The following STAB2 variants were observed in gnomAD, a reference collection of about 807,000 sequenced individuals.
STAB2 encodes stabilin-2.
A neutral mutation model predicts 338.1 loss-of-function variants in STAB2; 288 were observed. The ratio of observed to expected loss-of-function variants is 0.85; its 90% CI spans 0.77 to 0.94. The LOEUF (loss-of-function observed/expected upper bound fraction) is 0.94, where lower values mean the gene tolerates loss of function less well. Among genes scored for constraint, STAB2 ranks in the 40% least tolerant of loss-of-function variants. The probability of loss-of-function intolerance (pLI) is 0.00; values close to 1 mark genes in which losing one functional copy is unlikely to be tolerated. For synonymous variants in STAB2, 1,202 were observed against 1,193.3 expected (o/e 1.01, Z -0.15); for missense variants, 3,141 against 3,210.1 (o/e 0.98, Z 0.52).
intron 3 of STAB2, among the ~76,000 whole-genome samples, chr12:103,620,010 TCCCTCAATA>T (rs1178806571): frequency 6.6e-6 from 1 of 152,170 alleles, no homozygotes; most frequent in African/African-American, 2.4e-5. Flanking sequence ...TTCTCTGGAC[TCCCTCAATA>T]CCCTGTCTAG....
intron 39 of STAB2, 102 bp from the exon 40 acceptor site, chr12:103,711,369 A>G (rs750633134): frequency 5.3e-5 from 77 of 1,466,400 alleles, no homozygotes; most frequent in Admixed American, 5.1e-4. Context: ...CACATGATAC[A>G]TATCACTTCC....
At chr12:103,643,465 G>A (rs1873068106) in intron 9 of STAB2, among the ~76,000 whole-genome samples, 1 of 152,048 alleles carries the variant, frequency 6.6e-6, no homozygotes, top group African/African-American at 2.4e-5. Flanking sequence ...TCAATGGCCA[G>A]CCTAAGTATC....
rs537819623 is a variant in STAB2 at position 103,744,647 on chromosome 12, T to C, written c.6032-526T>C. The stretch of plus-strand genomic sequence containing the variant: ...ACATCTGGCTAATTTTTGTTTGTTG[T>C]TGTTGTTTTGTAGATACGGGGTTGC... On this transcript the variant is annotated intron_variant, in intron 56 of 68. Coordinates refer to ENST00000388887, the MANE Select transcript of STAB2 (RefSeq NM_017564.10). Among the ~76,000 whole-genome samples the C allele has an allele frequency of 2.8e-3, 419 of 151,352 alleles. 1 individual carries two copies. Among genetic ancestry groups the C allele is most frequent in the Non-Finnish European group, 3.6e-3 (244 of 67,810 alleles).
intron 16 of STAB2, 146 bp from the exon 17 acceptor site, chr12:103,660,537 T>A: frequency 2.4e-6 from 3 of 1,262,954 alleles, no homozygotes; most frequent in Middle Eastern, 1.9e-4. Context: ...ATCAGAGCGA[T>A]CTTCAAAGCC....
At chr12:103,749,345 A>G (rs983786675) in intron 59 of STAB2, among the ~76,000 whole-genome samples, 189 bp downstream of exon 59, 1 of 152,212 alleles carries the variant, frequency 6.6e-6, no homozygotes, top group Non-Finnish European at 1.5e-5. Flanking sequence ...AAGGACGTCC[A>G]TGGAAAACTG....
intron 3 of STAB2, among the ~76,000 whole-genome samples, chr12:103,598,422 C>T (rs1280318624): frequency 1.3e-5 from 2 of 152,170 alleles, no homozygotes; most frequent in African/African-American, 2.4e-5. Flanking sequence ...CAAGAGACCA[C>T]CAGAGTAGTG....
chr12:103,622,052 G>C lies in STAB2; in HGVS notation c.428G>C (p.Gly143Ala), dbSNP rs1302487979. 1.2e-6 allele frequency: 2 copies of C among 1,614,104 alleles called. No individual in the cohort carries two copies. Among genetic ancestry groups the C allele is most frequent in the Non-Finnish European group, 8.5e-7 (1 of 1,180,042 alleles). ...NGTCSCQEGF[G>A]GTACETCADD... ...TGGGGTGTTTTGCAGGAAGGGTTTG[G>C]TGGAACAGCCTGTGAAACCTGTGCT... Residue 143 changes from glycine (G) to alanine (A), a missense_variant, in exon 5 of 69, where the codon GGT (glycine) becomes GCT (alanine). Transcript: ENST00000388887.
chr12:103,652,138 A>C (rs1873791117), intron 11 of STAB2, among the ~76,000 whole-genome samples: 1 of 152,244 alleles, frequency 6.6e-6, no homozygotes, highest in Admixed American at 6.5e-5. Context: ...CAAAAGTACA[A>C]TCAGCTTACT....
chr12:103,674,224 G>C (rs192373296), intron 23 of STAB2, 137 bp downstream of exon 23: 69 of 1,027,600 alleles, frequency 6.7e-5, no homozygotes, highest in Non-Finnish European at 8.4e-5. Flanking sequence ...ATCTCCAGCT[G>C]ACAGTGTGGT....
rs934962028 is a variant in STAB2, at chr12:103,711,934, C to T, written c.4334+418C>T. ...AGTTAGACATGAATTCAAAGTCAGC[C>T]TCTGTTATTTGCACTACCACATGAT... On this transcript the variant is annotated intron_variant, in intron 40 of 68. Transcript: ENST00000388887. Among the ~76,000 whole-genome samples the T allele has an allele frequency of 2.0e-5, 3 of 152,302 alleles. No individual in the cohort carries two copies. In the South Asian group the frequency reaches 6.2e-4, roughly 32 times the overall value.
intron 3 of STAB2, among the ~76,000 whole-genome samples, chr12:103,619,141 A>T (rs1957258095): frequency 6.6e-6 from 1 of 152,214 alleles, no homozygotes. Flanking sequence ...CTTTATTAGC[A>T]GCATGAGAAT....
intron 12 of STAB2, 118 bp downstream of exon 12, chr12:103,652,823 A>G (rs1032450): frequency 0.16 from 199,708 of 1,214,344 alleles, 17,691 homozygotes; most frequent in East Asian, 0.3. Context: ...TTCTTTCCTC[A>G]TGTATTATTT....
chr12:103,601,523 C>T (rs1956953917), intron 3 of STAB2, among the ~76,000 whole-genome samples: 4 of 152,136 alleles, frequency 2.6e-5, no homozygotes, highest in South Asian at 2.1e-4. Context: ...ACCCGGGAGG[C>T]GGAAGTTGCA....
Position 103,703,138 on chromosome 12 carries a change from T to C in STAB2, c.3715-10T>C. 6.2e-7 allele frequency: 1 copy of C among 1,610,030 alleles called. No homozygotes were observed. ...TCATAAAAAGTGACATTTAACCCTG[T>C]TGTTCACAGCTCTATGTAAATGAGG... On this transcript the variant is annotated splice_polypyrimidine_tract_variant and intron_variant, in intron 34 of 68. Coordinates refer to ENST00000388887, the MANE Select transcript of STAB2 (RefSeq NM_017564.10).
At chr12:103,695,009 A>G (rs1057351275) in intron 31 of STAB2, among the ~76,000 whole-genome samples, 3 of 152,130 alleles carry the variant, frequency 2.0e-5, no homozygotes, top group Non-Finnish European at 2.9e-5. Flanking sequence ...TTTAAAGGCA[A>G]TCTAAATTTA....
intron 7 of STAB2, among the ~76,000 whole-genome samples, chr12:103,637,814 T>C (rs1396915422): frequency 6.6e-6 from 1 of 152,244 alleles, no homozygotes; most frequent in Non-Finnish European, 1.5e-5. Context: ...CAAAATGGCC[T>C]ACTAATATAT....
At position 103,687,841 on chromosome 12, in the gene STAB2, G is replaced by A. The variant is rs150132457; in HGVS notation, c.2998-327G>A. Among the ~76,000 whole-genome samples the A allele has an allele frequency of 2.9e-3, 447 of 152,282 alleles. 1 individual carries two copies. The highest frequency in any genetic ancestry group is 9.9e-3 in the African/African-American group (412 of 41,556). On this transcript the variant is annotated intron_variant, in intron 27 of 68. Transcript: ENST00000388887. ...CTGAGCTCTGTGACCCCCACTTAGC[G>A]TCTAGGTAGCCGCGTTCTTACAGCC...
intron 39 of STAB2, among the ~76,000 whole-genome samples, chr12:103,710,921 C>G (rs151283062): frequency 5.1e-4 from 77 of 152,284 alleles, no homozygotes; most frequent in Non-Finnish European, 9.4e-4. Context: ...AGAGCAATAA[C>G]CTATGCTGTG....
chr12:103,627,344 A>G (rs531050188), intron 5 of STAB2, among the ~76,000 whole-genome samples: 1 of 152,336 alleles, frequency 6.6e-6, no homozygotes, highest in Non-Finnish European at 1.5e-5. Context: ...TGCAGAGTGC[A>G]CAGCCCAGAC....
Sources: allele counts gnomAD v4.1 joint callset (sites outside exome capture counted in the v4.1 genomes callset), GRCh38; gene constraint gnomAD v4.1.1; transcripts MANE v1.5; gene names NCBI Gene and HGNC (gene_info 2026-07-23, HGNC 2026-07-21).